LRRC4C: variants seen among roughly 807,000 people sequenced by gnomAD.
LRRC4C encodes leucine-rich repeat-containing protein 4C.
LRRC4C carries 5 observed loss-of-function variants against 33.6 expected under a neutral mutation model. That is an observed-to-expected ratio of 0.15 (90% CI 0.08 to 0.31). The LOEUF (loss-of-function observed/expected upper bound fraction) is 0.31, where lower values mean the gene tolerates loss of function less well. Ranked by LOEUF, LRRC4C falls within the 10% of genes least tolerant of loss-of-function variation. The probability of loss-of-function intolerance (pLI) is 1.00; values close to 1 mark genes in which losing one functional copy is unlikely to be tolerated. For synonymous variants in LRRC4C, 329 were observed against 302.0 expected, an observed-to-expected ratio of 1.09 and a Z score of -0.93; for missense variants, 560 against 796.7, an observed-to-expected ratio of 0.70 and a Z score of 3.58.
intron 1 of LRRC4C, among the ~76,000 whole-genome samples, chr11:41,416,183 A>C (rs1245083138): frequency 1.3e-5 from 2 of 152,050 alleles, no homozygotes; most frequent in Non-Finnish European, 2.9e-5. Context: ...AGAATCTCAG[A>C]GGAGAAGAGG....
intron 3 of LRRC4C, among the ~76,000 whole-genome samples, chr11:40,536,754 C>T (rs1056106583): frequency 6.6e-6 from 1 of 151,992 alleles, no homozygotes; most frequent in East Asian, 1.9e-4. Flanking sequence ...GAACACAATG[C>T]CATCTTCTCT....
chr11:41,213,834 T>C lies in LRRC4C; in HGVS notation c.-496+245597A>G, dbSNP rs75137402. ...AGACTGAATTACATTCTTTTAAAAC[T>C]GGAACAATCACACATCAACTTACAT... On this transcript the variant is annotated intron_variant, in intron 1 of 6. Coordinates refer to ENST00000528697, the MANE Select transcript of LRRC4C (RefSeq NM_001258419.2). Among the ~76,000 whole-genome samples the C allele has an allele frequency of 2.5e-3, 376 of 152,320 alleles. 3 individuals carry two copies. The highest frequency in any genetic ancestry group is 8.7e-3 in the African/African-American group (363 of 41,566).
At chr11:41,197,909 A>G (rs1946248659) in intron 1 of LRRC4C, among the ~76,000 whole-genome samples, 1 of 151,970 alleles carries the variant, frequency 6.6e-6, no homozygotes, top group Admixed American at 6.6e-5. Flanking sequence ...ATGAAAGCTG[A>G]TATCAATAGC....
intron 1 of LRRC4C, among the ~76,000 whole-genome samples, chr11:41,105,379 T>A (rs1056204475): frequency 4.6e-5 from 7 of 152,070 alleles, no homozygotes; most frequent in Non-Finnish European, 1.0e-4. Context: ...TTGCATCTTA[T>A]ATATACATCA....
intron 4 of LRRC4C, among the ~76,000 whole-genome samples, chr11:40,242,342 T>C (rs1865983392): frequency 6.6e-6 from 1 of 152,216 alleles, no homozygotes; most frequent in Non-Finnish European, 1.5e-5. Context: ...CATTCTTGTA[T>C]GGGACAGTAT....
intron 1 of LRRC4C, among the ~76,000 whole-genome samples, chr11:40,941,012 A>G (rs1212264800): frequency 6.6e-6 from 1 of 152,000 alleles, no homozygotes; most frequent in Admixed American, 6.6e-5. Context: ...AAAAATTCCA[A>G]CAGAAATCTT....
intron 4 of LRRC4C, among the ~76,000 whole-genome samples, chr11:40,269,271 T>C (rs181328978): frequency 2.0e-5 from 3 of 152,254 alleles, no homozygotes; most frequent in Admixed American, 6.5e-5. Context: ...AAAGAACATA[T>C]TGAAAGTAAA....
rs535057704 is a variant in LRRC4C at position 41,425,502 on chromosome 11, T to G, written c.-496+33929A>C. 3.3e-5 allele frequency among the ~76,000 whole-genome samples: 5 copies of G among 152,218 alleles called. No homozygotes were observed. The South Asian group carries it at 1.0e-3, about 32-fold the overall frequency. ...ACTATTGTAAACATTTGGTTGCCAA[T>G]GAGTTCTAGTTGGCAAGACCTCCGT... On this transcript the variant is annotated intron_variant, in intron 1 of 6. Coordinates refer to ENST00000528697, the MANE Select transcript of LRRC4C (RefSeq NM_001258419.2).
intron 1 of LRRC4C, among the ~76,000 whole-genome samples, chr11:41,382,536 A>G (rs1436982954): frequency 1.3e-5 from 2 of 152,122 alleles, no homozygotes; most frequent in Non-Finnish European, 2.9e-5. Flanking sequence ...GGTTTTCAAT[A>G]AATATTTTTA....
intron 5 of LRRC4C, among the ~76,000 whole-genome samples, chr11:40,189,082 A>G (rs1239014355): frequency 6.6e-6 from 1 of 152,136 alleles, no homozygotes; most frequent in Non-Finnish European, 1.5e-5. Flanking sequence ...GCCTTTATTC[A>G]TACGCTTGGG....
rs574139747 is a variant in LRRC4C at position 40,854,036 on chromosome 11, CCTT to C, written c.-407+79596_-407+79598del. 2.0e-3 allele frequency among the ~76,000 whole-genome samples: 300 copies of C among 152,270 alleles called. 2 individuals carry two copies. The highest frequency in any genetic ancestry group is 6.3e-3 in the African/African-American group (263 of 41,554). ...AAAACTACTCTCTTCTCAAACGATG[CCTT>C]CTTGAAACCAGTAGGCGTCACAGAA... is the stretch of plus-strand genomic sequence containing the variant. On this transcript the variant is annotated intron_variant, in intron 2 of 6. Transcript: ENST00000528697.
At chr11:40,207,952 C>T (rs906050296) in intron 5 of LRRC4C, among the ~76,000 whole-genome samples, 6 of 152,192 alleles carry the variant, frequency 3.9e-5, no homozygotes, top group African/African-American at 1.4e-4. Flanking sequence ...CAACTTCCAG[C>T]GAAGCCCACA....
At chr11:41,094,316 G>A (rs917780968) in intron 1 of LRRC4C, among the ~76,000 whole-genome samples, 5 of 151,910 alleles carry the variant, frequency 3.3e-5, no homozygotes, top group African/African-American at 1.2e-4. Context: ...ACGAGGTCAG[G>A]AGATACAGAC....
intron 2 of LRRC4C, among the ~76,000 whole-genome samples, chr11:40,665,351 T>TATATATATAC (rs1943736026): frequency 3.9e-4 from 6 of 15,452 alleles, no homozygotes; most frequent in Non-Finnish European, 8.8e-4. Flanking sequence ...TATATATATA[T>TATATATATAC]ATATATATAT....
At chr11:40,559,881 G>A (rs925797813) in intron 3 of LRRC4C, among the ~76,000 whole-genome samples, 1 of 151,912 alleles carries the variant, frequency 6.6e-6, no homozygotes, top group African/African-American at 2.4e-5. Flanking sequence ...TTAAATGGAT[G>A]GCAGAGAAAG....
chr11:40,333,673 C>T (rs145815575), intron 3 of LRRC4C, among the ~76,000 whole-genome samples: 2,179 of 135,842 alleles, frequency 0.016, 35 homozygotes, highest in African/African-American at 0.037. Flanking sequence ...GCTGACATGG[C>T]GCCATTGCAC....
intron 2 of LRRC4C, among the ~76,000 whole-genome samples, chr11:40,864,436 A>G (rs1427907907): frequency 6.6e-6 from 1 of 152,152 alleles, no homozygotes; most frequent in Non-Finnish European, 1.5e-5. Context: ...AAAATCCCTT[A>G]CATACTACAC....
chr11:40,533,137 T>C (rs1442311381), intron 3 of LRRC4C, among the ~76,000 whole-genome samples: 1 of 152,170 alleles, frequency 6.6e-6, no homozygotes, highest in Non-Finnish European at 1.5e-5. Context: ...CAAAATCACA[T>C]CAGCTGGTAT....
intron 3 of LRRC4C, among the ~76,000 whole-genome samples, chr11:40,534,784 G>T (rs1418679145): frequency 6.6e-6 from 1 of 152,168 alleles, no homozygotes; most frequent in Non-Finnish European, 1.5e-5. Flanking sequence ...AGGGCAAATT[G>T]TCCATTACTA....
Sources: allele counts gnomAD v4.1 joint callset (sites outside exome capture counted in the v4.1 genomes callset), GRCh38; gene constraint gnomAD v4.1.1; transcripts MANE v1.5; gene names NCBI Gene and HGNC (gene_info 2026-07-23, HGNC 2026-07-21).